Variants in UBE3A observed in about 807,000 individuals in gnomAD.
UBE3A encodes the protein ubiquitin protein ligase E3A.
Under a neutral mutation model 83.4 loss-of-function variants are expected in UBE3A, and 6 were observed. That is an observed-to-expected ratio of 0.07 (90% CI 0.04 to 0.14). The LOEUF (loss-of-function observed/expected upper bound fraction) is 0.14. Among genes scored for constraint, UBE3A ranks in the 10% least tolerant of loss-of-function variants. The pLI is 1.00. For synonymous variants in UBE3A, 337 were observed against 355.4 expected (o/e 0.95, Z 0.58); for missense variants, 456 against 1,036.1 (o/e 0.44, Z 7.69).
At chr15:25,433,790 G>A (rs1894193664) in intron 1 of UBE3A, among the ~76,000 whole-genome samples, 1 of 152,072 alleles carries the variant, frequency 6.6e-6, no homozygotes, top group African/African-American at 2.4e-5. Context: ...TTTTAAAAAT[G>A]CTCAGCTGGG....
chr15:25,348,834 C>T (rs374855086), intron 11 of UBE3A, among the ~76,000 whole-genome samples: 1 of 152,124 alleles, frequency 6.6e-6, no homozygotes. Flanking sequence ...GAGAGACGTA[C>T]GGTGTTCAAG....
At chr15:25,367,506 C>T (rs762340381) in intron 6 of UBE3A, among the ~76,000 whole-genome samples, 13 of 151,902 alleles carry the variant, frequency 8.6e-5, no homozygotes, top group Non-Finnish European at 1.5e-4. Context: ...GTAAGTTAAA[C>T]GGGTAGGGTG....
At chr15:25,376,845 T>C (rs369126502) in intron 4 of UBE3A, among the ~76,000 whole-genome samples, 1 of 128,866 alleles carries the variant, frequency 7.8e-6, no homozygotes, top group Non-Finnish European at 1.6e-5. Context: ...ATTATGGCTG[T>C]TTCAGGAGAG....
chr15:25,382,412 A>C (rs930831876), intron 4 of UBE3A, among the ~76,000 whole-genome samples: 2 of 152,036 alleles, frequency 1.3e-5, no homozygotes, highest in Non-Finnish European at 2.9e-5. Context: ...AAAAAGTAAA[A>C]TTGTAGAACT....
In UBE3A at chr15:25,356,876, A is replaced by G. The variant is rs778513573; in HGVS notation, c.1774T>C (p.Ser592Pro). The G allele has an allele frequency of 6.2e-7, 1 of 1,613,670 alleles. No individual in the cohort carries two copies. The highest frequency in any genetic ancestry group is 8.5e-7 in the Non-Finnish European group (1 of 1,179,714). ...PDIGMFTYDE[S>P]TKLFWFNPSS... ...GGATTAAACCAAAACAATTTTGTAG[A>G]TTCATCGTATGTGAACATACCTATA... Residue 592 changes from serine to proline, a missense_variant, in exon 8 of 13, where the codon TCT (serine) becomes CCT (proline). Transcript: ENST00000648336.
At chr15:25,393,193 A>G (rs566853686) in intron 4 of UBE3A, among the ~76,000 whole-genome samples, 2 of 152,326 alleles carry the variant, frequency 1.3e-5, no homozygotes, top group South Asian at 4.1e-4. Flanking sequence ...GAAGAAAAAA[A>G]AAGATGAAAT....
Position 25,338,224 on chromosome 15 carries a change from A to T in UBE3A, c.*913T>A, listed in dbSNP as rs1292560242. 1 of 152,148 alleles carries T rather than the reference A, an allele frequency of 6.6e-6. No homozygotes were observed. The highest frequency in any genetic ancestry group is 1.5e-5 in the Non-Finnish European group (1 of 68,004). 9.4% of individuals were successfully genotyped at this position (152,148 alleles called of 1,614,324 possible). On this transcript the variant is annotated 3_prime_UTR_variant, in exon 13 of 13. Transcript: ENST00000648336. ...GTGCACTTTCACATGCTTTTTGTTT[A>T]TAATAAACAAACAACAAACTTCCTA...
chr15:25,422,802 C>T (rs1423662981), intron 1 of UBE3A, among the ~76,000 whole-genome samples: 3 of 122,604 alleles, frequency 2.4e-5, no homozygotes, highest in East Asian at 2.2e-4. Flanking sequence ...CACTGAGATA[C>T]GTTCTCTACC....
chr15:25,410,564 G>GTGGT (rs2153080009), intron 2 of UBE3A, among the ~76,000 whole-genome samples: 1 of 152,272 alleles, frequency 6.6e-6, no homozygotes, highest in African/African-American at 2.4e-5. Flanking sequence ...AGCGTAAAAG[G>GTGGT]TGGTTACCAG....
chr15:25,366,104 T>A (rs1015791054), intron 6 of UBE3A, among the ~76,000 whole-genome samples: 3 of 152,196 alleles, frequency 2.0e-5, no homozygotes, highest in African/African-American at 7.2e-5. Flanking sequence ...GATCTATGTA[T>A]ATATAGGCTT....
chr15:25,417,236 T>C (rs1355646246), intron 1 of UBE3A, among the ~76,000 whole-genome samples: 2 of 152,210 alleles, frequency 1.3e-5, no homozygotes, highest in Non-Finnish European at 2.9e-5. Context: ...AGAAGGATCA[T>C]GCCTTAGGTA....
chr15:25,342,188 C>T (rs982374825), intron 11 of UBE3A, among the ~76,000 whole-genome samples: 2 of 152,048 alleles, frequency 1.3e-5, no homozygotes, highest in Non-Finnish European at 2.9e-5. Flanking sequence ...TAGCACAGAA[C>T]CCTCCAACAT....
intron 4 of UBE3A, among the ~76,000 whole-genome samples, chr15:25,380,580 G>C (rs1188894011): frequency 6.6e-6 from 1 of 152,050 alleles, no homozygotes. Context: ...AGGGAAAAAG[G>C]GGAAAAGAAA....
At chr15:25,415,617 T>C (rs1393373681) in intron 1 of UBE3A, 2 of 152,124 alleles carry the variant, frequency 1.3e-5, no homozygotes, top group African/African-American at 4.8e-5. Flanking sequence ...TCTAAACTCT[T>C]ATACATAATC....
At chr15:25,341,602 A>G (rs578123839) in intron 11 of UBE3A, among the ~76,000 whole-genome samples, 9 of 151,266 alleles carry the variant, frequency 5.9e-5, no homozygotes, top group Admixed American at 5.3e-4. Context: ...TGTCTCTACT[A>G]AAATACAAAA....
At chr15:25,344,466 C>T (rs1401261812) in intron 11 of UBE3A, among the ~76,000 whole-genome samples, 2 of 152,052 alleles carry the variant, frequency 1.3e-5, no homozygotes, top group Admixed American at 6.5e-5. Context: ...TAACTTATTC[C>T]AGGCCTGAGA....
intron 11 of UBE3A, among the ~76,000 whole-genome samples, chr15:25,344,939 C>T (rs1274968819): frequency 6.6e-6 from 1 of 152,080 alleles, no homozygotes; most frequent in East Asian, 1.9e-4. Flanking sequence ...ATGATGATGG[C>T]AACGACATAG....
chr15:25,388,685 T>G (rs1487123271), intron 4 of UBE3A, among the ~76,000 whole-genome samples: 1 of 151,900 alleles, frequency 6.6e-6, no homozygotes, highest in Non-Finnish European at 1.5e-5. Flanking sequence ...AATGACTATA[T>G]GTGTAGAACA....
intron 6 of UBE3A, among the ~76,000 whole-genome samples, chr15:25,364,298 G>A (rs886366656): frequency 2.6e-5 from 4 of 151,928 alleles, no homozygotes; most frequent in Non-Finnish European, 5.9e-5. Context: ...ATAAAATTTA[G>A]CAATAACCAT....
Sources: gnomAD v4.1 joint callset for allele counts (sites outside exome capture counted in the v4.1 genomes callset) on GRCh38, gnomAD v4.1.1 for gene constraint, MANE v1.5 for transcripts, NCBI Gene and HGNC (gene_info 2026-07-23, HGNC 2026-07-21) for gene names.